SEZ6L: variants seen among roughly 807,000 people sequenced by gnomAD.
SEZ6L encodes the protein seizure 6-like protein.
In SEZ6L, 37 loss-of-function variants were observed where a neutral mutation model predicts 106.2. The ratio of observed to expected loss-of-function variants is 0.35; its 90% CI spans 0.27 to 0.46. The LOEUF is 0.46. Ranked by LOEUF, SEZ6L falls within the 20% of genes least tolerant of loss-of-function variation. The pLI is 1.00. For missense variants in SEZ6L, 1,172 were observed against 1,332.8 expected (o/e 0.88, Z 1.88); for synonymous variants, 541 against 570.4 (o/e 0.95, Z 0.73).
intron 5 of SEZ6L, among the ~76,000 whole-genome samples, chr22:26,305,719 T>C (rs1378679994): frequency 6.6e-6 from 1 of 152,212 alleles, no homozygotes; most frequent in African/African-American, 2.4e-5. Context: ...CACATGTTGA[T>C]GGTTCCAATT....
At chr22:26,226,015 T>A (rs565199077) in intron 1 of SEZ6L, among the ~76,000 whole-genome samples, 1 of 152,336 alleles carries the variant, frequency 6.6e-6, no homozygotes, top group African/African-American at 2.4e-5. Flanking sequence ...CAAGTCCTGA[T>A]AATTTTGCCT....
chr22:26,271,541 T>G (rs1167310030), intron 1 of SEZ6L, among the ~76,000 whole-genome samples: 1 of 152,206 alleles, frequency 6.6e-6, no homozygotes, highest in Non-Finnish European at 1.5e-5. Flanking sequence ...TGATCATAAA[T>G]GGCTTGGCGT....
chr22:26,347,498 A>G (rs2083047810), intron 10 of SEZ6L, among the ~76,000 whole-genome samples: 2 of 152,162 alleles, frequency 1.3e-5, no homozygotes, highest in Non-Finnish European at 2.9e-5. Flanking sequence ...AACTGGTTTT[A>G]TCAAACCAAG....
chr22:26,337,138 A>T (rs1399484544), intron 9 of SEZ6L, among the ~76,000 whole-genome samples: 1 of 152,196 alleles, frequency 6.6e-6, no homozygotes, highest in East Asian at 1.9e-4. Context: ...AGGCTGATTC[A>T]CAGACAAGAA....
At position 26,187,978 on chromosome 22, in the gene SEZ6L, G is replaced by A. The variant is rs559682653; in HGVS notation, c.94+18215G>A. On this transcript the variant is annotated intron_variant, in intron 1 of 16. Coordinates refer to ENST00000248933, the MANE Select transcript of SEZ6L (RefSeq NM_021115.5). The stretch of plus-strand genomic sequence containing the variant: ...GGAAGTGGGGCTGATCCCTAGAGAG[G>A]AGAAACAATAATCCAGGTGAGAGGA... 1.6e-4 allele frequency among the ~76,000 whole-genome samples: 24 copies of A among 152,282 alleles called. 1 individual carries two copies. In the South Asian group the frequency reaches 4.6e-3, roughly 29 times the overall value.
intron 1 of SEZ6L, among the ~76,000 whole-genome samples, chr22:26,273,110 A>T (rs1314480215): frequency 1.3e-5 from 2 of 152,212 alleles, no homozygotes; most frequent in Non-Finnish European, 2.9e-5. Flanking sequence ...GGTGGGGGGA[A>T]TTGGCATCTT....
intron 9 of SEZ6L, among the ~76,000 whole-genome samples, chr22:26,334,083 T>C (rs1041310569): frequency 8.5e-5 from 13 of 152,142 alleles, no homozygotes; most frequent in African/African-American, 3.1e-4. Flanking sequence ...AAGTTGGCAC[T>C]CTATCCTAAG....
intron 1 of SEZ6L, among the ~76,000 whole-genome samples, chr22:26,227,447 G>T (rs932399535): frequency 4.6e-5 from 7 of 152,130 alleles, no homozygotes; most frequent in Non-Finnish European, 8.8e-5. Flanking sequence ...TCATTCTGTT[G>T]CCCAGGCTGG....
In SEZ6L at chr22:26,347,877, C is replaced by T. The variant is rs1355849738; in HGVS notation, c.2371C>T (p.Leu791Phe). ...TGACACCCTCACCTGCCAGTGGGAC[C>T]TCAGCTGGAGCAGCGACCCCCCATT... ...GSDTLTCQWDLSWSSDPPFCE... is the reference protein window; with the variant it reads ...GSDTLTCQWDFSWSSDPPFCE... Residue 791 changes from leucine to phenylalanine, a missense_variant, in exon 11 of 17, where the codon CTC becomes TTC. Leu to Phe is a conservative substitution (Grantham distance 22). This residue lies in a region of SEZ6L where 534 missense variants were observed against 691.0 expected (regional missense o/e 0.77). Transcript: ENST00000248933. 2.5e-6 allele frequency: 4 copies of T among 1,585,656 alleles called. No homozygotes were observed. The highest frequency in any genetic ancestry group is 3.4e-6 in the Non-Finnish European group (4 of 1,170,742).
chr22:26,313,828 C>G lies in SEZ6L; in HGVS notation c.1941C>G (p.Pro647=). The change falls in exon 9 of 17, where the codon CCC becomes CCG. Residue 647 remains proline (P), a synonymous_variant. Transcript: ENST00000248933. ...TATTGTCCCCAAACTGGCCCGAGCC[C>G]TACGTGGAAGGTGAAGATTGTATCT... is the stretch of plus-strand genomic sequence containing the variant. ...GVVLSPNWPE[P]YVEGEDCIWK... is the part of the protein sequence containing the mutation. 2 of 1,613,396 alleles carry G rather than the reference C, an allele frequency of 1.2e-6. No homozygotes were observed. Among genetic ancestry groups the G allele is most frequent in the Non-Finnish European group, 1.7e-6 (2 of 1,179,410 alleles).
chr22:26,317,217 C>G (rs1476874694), intron 9 of SEZ6L, among the ~76,000 whole-genome samples: 1 of 152,098 alleles, frequency 6.6e-6, no homozygotes, highest in Non-Finnish European at 1.5e-5. Flanking sequence ...CTTTAGGAAG[C>G]CTTCTGTGTC....
chr22:26,356,955 CT>C (rs35417367), intron 12 of SEZ6L, among the ~76,000 whole-genome samples: 145 of 143,386 alleles, frequency 1.0e-3, no homozygotes, highest in Admixed American at 1.1e-3. Flanking sequence ...TTCCTCAGAA[CT>C]TTTTTTTTTT....
chr22:26,312,011 C>T (rs1245943975), intron 8 of SEZ6L, 49 bp downstream of exon 8: 2 of 1,566,840 alleles, frequency 1.3e-6, no homozygotes, highest in South Asian at 1.1e-5. Context: ...GGATCTCCAC[C>T]CTTTGGATGA....
intron 1 of SEZ6L, among the ~76,000 whole-genome samples, chr22:26,271,549 C>T (rs1044428069): frequency 1.3e-5 from 2 of 152,146 alleles, no homozygotes; most frequent in African/African-American, 2.4e-5. Flanking sequence ...AATGGCTTGG[C>T]GTCTTTCCCT....
rs113860814 is a variant in SEZ6L, at chr22:26,193,767, G to C, written c.94+24004G>C. Among the ~76,000 whole-genome samples the C allele has an allele frequency of 4.6e-5, 7 of 152,228 alleles. No homozygotes were observed. In the South Asian group the frequency reaches 1.5e-3, roughly 32 times the overall value. On this transcript the variant is annotated intron_variant, in intron 1 of 16. Coordinates refer to ENST00000248933, the MANE Select transcript of SEZ6L (RefSeq NM_021115.5). The stretch of plus-strand genomic sequence containing the variant: ...ATTCAATTCTGCTCAATCGTCTGTT[G>C]CTATTGGACCAAATTCTTCCAGGAA...
intron 6 of SEZ6L, among the ~76,000 whole-genome samples, chr22:26,308,354 C>G (rs986933026): frequency 2.6e-5 from 4 of 151,744 alleles, no homozygotes; most frequent in African/African-American, 9.7e-5. Context: ...AGCAGAAGCT[C>G]TCATGAGAAC....
chr22:26,245,812 ATTG>A (rs1438632212), intron 1 of SEZ6L, among the ~76,000 whole-genome samples: 5 of 151,798 alleles, frequency 3.3e-5, no homozygotes, highest in African/African-American at 4.8e-5. Context: ...TTAGCATTTT[ATTG>A]TTGTTGTTGT....
chr22:26,237,877 C>T lies in SEZ6L; in HGVS notation c.95-54529C>T, dbSNP rs184138351. Among the ~76,000 whole-genome samples the T allele has an allele frequency of 3.2e-3, 492 of 152,234 alleles. 2 individuals carry two copies. The highest frequency in any genetic ancestry group is 6.9e-3 in the Admixed American group (105 of 15,302). On this transcript the variant is annotated intron_variant, in intron 1 of 16. Coordinates refer to ENST00000248933, the MANE Select transcript of SEZ6L (RefSeq NM_021115.5). ...ACATGCCGGCTGTTTAAGTGTACAC[C>T]TAGTTACAGCTGACTGCCTTGGATG...
intron 1 of SEZ6L, chr22:26,244,583 G>A (rs1486397470): frequency 6.6e-6 from 1 of 152,258 alleles, no homozygotes; most frequent in African/African-American, 2.4e-5. Context: ...TCTAAGGATA[G>A]GAAGAATTTG....
Sources: gnomAD v4.1 joint callset for allele counts (sites outside exome capture counted in the v4.1 genomes callset) on GRCh38, gnomAD v4.1.1 for gene constraint, gnomAD v4.1.1 regional missense constraint, MANE v1.5 for transcripts, NCBI Gene and HGNC (gene_info 2026-07-23, HGNC 2026-07-21) for gene names.